The following AMPD3 variants were observed in gnomAD, a reference collection of about 807,000 sequenced individuals.
AMPD3 encodes AMP deaminase 3.
A neutral mutation model predicts 82.3 loss-of-function variants in AMPD3; 57 were observed. The ratio of observed to expected loss-of-function variants is 0.69; its 90% CI spans 0.56 to 0.86. The LOEUF (loss-of-function observed/expected upper bound fraction) is 0.86, where lower values mean the gene tolerates loss of function less well. Among genes scored for constraint, AMPD3 ranks in the 40% least tolerant of loss-of-function variants. AMPD3 has a pLI of 0.00. For missense variants in AMPD3, 870 were observed against 1,003.8 expected, an observed-to-expected ratio of 0.87 and a Z score of 1.80; for synonymous variants, 381 against 394.7, an observed-to-expected ratio of 0.97 and a Z score of 0.41.
In AMPD3 at chr11:10,485,002, A is replaced by C. The variant is rs146416222; in HGVS notation, c.772A>C (p.Met258Leu). 5 of 1,613,910 alleles carry C rather than the reference A, an allele frequency of 3.1e-6. No homozygotes were observed. The African/African-American group carries it at 5.3e-5, about 17-fold the overall frequency. ...CGACCTGGAGACCTACACGGTGGAC[A>C]TGAGCCACATCCTGGCTCTCATCAC... is the stretch of plus-strand genomic sequence containing the variant. ...YPDLETYTVD[M>L]SHILALITDG... Residue 258 changes from methionine (M) to leucine (L), a missense_variant, in exon 5 of 15, where the codon ATG becomes CTG. Transcript: ENST00000396553.
chr11:10,470,783 T>A (rs1350769394), intron 2 of AMPD3, among the ~76,000 whole-genome samples: 1 of 152,136 alleles, frequency 6.6e-6, no homozygotes, highest in Non-Finnish European at 1.5e-5. Flanking sequence ...CAAGGAGAAT[T>A]ACAAACCACT....
intron 2 of AMPD3, among the ~76,000 whole-genome samples, chr11:10,464,173 T>C (rs1392807577): frequency 1.3e-5 from 2 of 152,188 alleles, no homozygotes; most frequent in Non-Finnish European, 2.9e-5. Context: ...CGAGTAAATA[T>C]AAGTGATTTC....
chr11:10,484,933 A>G lies in AMPD3; in HGVS notation c.703A>G (p.Lys235Glu). The G allele has an allele frequency of 6.2e-7, 1 of 1,614,078 alleles. No homozygotes were observed. The highest frequency in any genetic ancestry group is 1.3e-5 in the African/African-American group (1 of 75,012). ...GGGCATCCTCTTTGTGTATGATAACAAGAAGATGCTGGAGCACCAGGAGCC... is the reference window on the plus strand; with the variant it reads ...GGGCATCCTCTTTGTGTATGATAACGAGAAGATGCTGGAGCACCAGGAGCC... ...QGGILFVYDN[K>E]KMLEHQEPHS... Residue 235 changes from lysine to glutamate, a missense_variant, in exon 5 of 15, where the codon AAG becomes GAG. Physicochemically the swap from Lys to Glu is moderately conservative, Grantham distance 56 (BLOSUM62 1). Transcript: ENST00000396553.
intron 1 of AMPD3, among the ~76,000 whole-genome samples, chr11:10,459,891 T>G (rs889164436): frequency 6.6e-6 from 1 of 151,816 alleles, no homozygotes; most frequent in Non-Finnish European, 1.5e-5. Flanking sequence ...ACAGCACAAA[T>G]CTCTGCTGAC....
intron 5 of AMPD3, among the ~76,000 whole-genome samples, chr11:10,485,971 C>G (rs989630522): frequency 6.6e-6 from 1 of 151,148 alleles, no homozygotes; most frequent in Non-Finnish European, 1.5e-5. Context: ...AGGACCTTCT[C>G]TCTTGTTTTC....
intron 6 of AMPD3, among the ~76,000 whole-genome samples, chr11:10,492,887 A>C (rs1849277506): frequency 6.6e-6 from 1 of 152,232 alleles, no homozygotes; most frequent in African/African-American, 2.4e-5. Context: ...AGGGCATTCC[A>C]GACTGAAGAA....
chr11:10,473,730 C>A, intron 2 of AMPD3: 1 of 494,902 alleles, frequency 2.0e-6, no homozygotes, highest in Non-Finnish European at 2.6e-6. Flanking sequence ...GTCTCAAGTA[C>A]AGGGAAGGTG....
At chr11:10,451,082 GC>G, upstream of AMPD3, 1 of 1,558,930 alleles carries the variant, frequency 6.4e-7, no homozygotes. Context: ...CCTTGGGCCA[GC>G]CCCGCGGACC....
chr11:10,483,760 T>C (rs1848984327), intron 4 of AMPD3, among the ~76,000 whole-genome samples: 1 of 152,252 alleles, frequency 6.6e-6, no homozygotes, highest in Non-Finnish European at 1.5e-5. Context: ...GCTCCTCACA[T>C]GTGCTCTAGG....
chr11:10,450,414 C>T (rs1847931557), upstream of AMPD3: 2 of 985,678 alleles, frequency 2.0e-6, no homozygotes, highest in Non-Finnish European at 2.4e-6. Context: ...GAAACCAATG[C>T]TTGCGGGTTG....
intron 5 of AMPD3, chr11:10,486,714 G>T: frequency 1.0e-6 from 1 of 985,416 alleles, no homozygotes; most frequent in Non-Finnish European, 1.2e-6. Flanking sequence ...AGGTGGGCAG[G>T]TCATGCCTTA....
At chr11:10,489,806 G>A (rs1001321434) in intron 6 of AMPD3, among the ~76,000 whole-genome samples, 1 of 151,942 alleles carries the variant, frequency 6.6e-6, no homozygotes, top group African/African-American at 2.4e-5. Context: ...TCAGCCTCCC[G>A]AGTAGCTGGG....
rs1267343879 is a variant in AMPD3, at chr11:10,500,227, A to G, written c.1699A>G (p.Met567Val). Residue 567 changes from methionine to valine, a missense_variant, in exon 11 of 15, where the codon ATG becomes GTG. Coordinates refer to ENST00000396553, the MANE Select transcript of AMPD3 (RefSeq NM_001025389.2). ...YYLYYMYANI[M>V]VLNNLRRERG... Reference sequence around the variant, plus strand: ...CCTGTACTACATGTATGCCAACATCATGGTGCTCAACAACCTCCGCAGGTG... The same window carrying G: ...CCTGTACTACATGTATGCCAACATCGTGGTGCTCAACAACCTCCGCAGGTG... 6.2e-7 allele frequency: 1 copy of G among 1,614,220 alleles called. No homozygotes were observed. The highest frequency in any genetic ancestry group is 8.5e-7 in the Non-Finnish European group (1 of 1,180,036).
intron 2 of AMPD3, 68 bp from the exon 3 acceptor site, chr11:10,478,456 CAA>C (rs1848803586): frequency 1.9e-6 from 3 of 1,595,882 alleles, no homozygotes; most frequent in Non-Finnish European, 8.6e-7. Flanking sequence ...ACGCACACAG[CAA>C]AGAGTCTTTA....
In AMPD3 at chr11:10,484,858, T is replaced by C; in HGVS notation, c.628T>C (p.Cys210Arg). The change falls in exon 5 of 15, where the codon TGC (cysteine) becomes CGC (arginine). Residue 210 changes from cysteine to arginine, a missense_variant. Physicochemically the swap from Cys to Arg is radical, Grantham distance 180. Coordinates refer to ENST00000396553, the MANE Select transcript of AMPD3 (RefSeq NM_001025389.2). ...PPPLPQEDPY[C>R]LDDAPPNLDY... Reference sequence around the variant, plus strand: ...TCCACTGCCCCAGGAAGACCCCTACTGCCTGGATGATGCACCCCCCAACCT... The same window carrying C: ...TCCACTGCCCCAGGAAGACCCCTACCGCCTGGATGATGCACCCCCCAACCT... 1 of 1,614,068 alleles carries C rather than the reference T, an allele frequency of 6.2e-7. No homozygotes were observed. Among genetic ancestry groups the C allele is most frequent in the Non-Finnish European group, 8.5e-7 (1 of 1,180,008 alleles).
chr11:10,487,684 C>A (rs1849115151), intron 6 of AMPD3, among the ~76,000 whole-genome samples: 1 of 152,168 alleles, frequency 6.6e-6, no homozygotes, highest in Non-Finnish European at 1.5e-5. Flanking sequence ...TTGAGCACAG[C>A]CTACTTTTAA....
intron 10 of AMPD3, chr11:10,497,823 C>T (rs1849463163): frequency 1.0e-6 from 1 of 985,220 alleles, no homozygotes; most frequent in Admixed American, 6.2e-5. Context: ...TCTGCCTGGC[C>T]TGGTCAGACG....
chr11:10,475,817 G>T (rs1421513678), intron 2 of AMPD3, among the ~76,000 whole-genome samples: 1 of 152,186 alleles, frequency 6.6e-6, no homozygotes, highest in Non-Finnish European at 1.5e-5. Flanking sequence ...AATAGGAGTT[G>T]AGAGTGACCC....
At chr11:10,479,097 G>A (rs893926868) in intron 3 of AMPD3, among the ~76,000 whole-genome samples, 1 of 152,152 alleles carries the variant, frequency 6.6e-6, no homozygotes, top group Non-Finnish European at 1.5e-5. Flanking sequence ...TCAAAGCCAT[G>A]GTACTGAGTG....
Sources: allele counts gnomAD v4.1 joint callset (sites outside exome capture counted in the v4.1 genomes callset), GRCh38; gene constraint gnomAD v4.1.1; transcripts MANE v1.5; gene names NCBI Gene and HGNC (gene_info 2026-07-23, HGNC 2026-07-21).